Variants in AKT3 observed in about 807,000 individuals in gnomAD.
AKT3 encodes RAC-gamma serine/threonine-protein kinase.
A neutral mutation model predicts 65.3 loss-of-function variants in AKT3; 15 were observed. That is an observed-to-expected ratio of 0.23 (90% CI 0.15 to 0.35). The LOEUF is 0.35. Among genes scored for constraint, AKT3 ranks in the 10% least tolerant of loss-of-function variants. The pLI, the probability that AKT3 is intolerant of heterozygous loss-of-function variation, is 1.00. For missense variants in AKT3, 243 were observed against 576.5 expected, an observed-to-expected ratio of 0.42 and a Z score of 5.92; for synonymous variants, 206 against 183.8, an observed-to-expected ratio of 1.12 and a Z score of -0.98.
intron 9 of AKT3, among the ~76,000 whole-genome samples, chr1:243,567,078 A>T (rs1350610868): frequency 6.6e-6 from 1 of 152,148 alleles, no homozygotes; most frequent in Non-Finnish European, 1.5e-5. Flanking sequence ...TCAGGAGTTC[A>T]AGACCAGCCT....
intron 2 of AKT3, among the ~76,000 whole-genome samples, chr1:243,749,332 T>G (rs1572273524): frequency 6.6e-6 from 1 of 152,278 alleles, no homozygotes; most frequent in East Asian, 1.9e-4. Flanking sequence ...CTAGTTGACT[T>G]GATCATGATT....
intron 12 of AKT3, among the ~76,000 whole-genome samples, chr1:243,526,046 C>CTG (rs376282081): frequency 7.3e-5 from 11 of 151,286 alleles, no homozygotes; most frequent in African/African-American, 2.7e-4. Flanking sequence ...CAGAACTACT[C>CTG]TGTGTGTGTG....
intron 2 of AKT3, among the ~76,000 whole-genome samples, chr1:243,738,440 T>C (rs1687963646): frequency 6.6e-6 from 1 of 152,198 alleles, no homozygotes; most frequent in African/African-American, 2.4e-5. Flanking sequence ...ATTAAACGTT[T>C]AACATTCATC....
chr1:243,642,459 G>A (rs1007356574), intron 5 of AKT3, among the ~76,000 whole-genome samples: 24 of 152,102 alleles, frequency 1.6e-4, no homozygotes, highest in South Asian at 6.2e-4. Context: ...ACAGGCGCCC[G>A]CCACCACGCC....
At position 243,829,373 on chromosome 1, in the gene AKT3, T is replaced by C. The variant is rs570443123; in HGVS notation, c.46+13752A>G. ...GTTTGTAAGTATGACCTCAATGGTCTCCTTGAATGGGAAAAGTCTGACATA... is the reference window on the plus strand; with the variant it reads ...GTTTGTAAGTATGACCTCAATGGTCCCCTTGAATGGGAAAAGTCTGACATA... On this transcript the variant is annotated intron_variant, in intron 2 of 13. Coordinates refer to ENST00000673466, the MANE Select transcript of AKT3 (RefSeq NM_005465.7). 2.6e-5 allele frequency among the ~76,000 whole-genome samples: 4 copies of C among 152,294 alleles called. No individual in the cohort carries two copies. In the East Asian group the frequency reaches 7.7e-4, roughly 29 times the overall value.
At chr1:243,693,523 G>A (rs917002954) in intron 3 of AKT3, among the ~76,000 whole-genome samples, 2 of 151,496 alleles carry the variant, frequency 1.3e-5, no homozygotes. Flanking sequence ...CCTGCTCAAA[G>A]TCCACCCCAC....
At chr1:243,651,716 C>A (rs1244640342) in intron 4 of AKT3, among the ~76,000 whole-genome samples, 7 of 152,078 alleles carry the variant, frequency 4.6e-5, no homozygotes, top group African/African-American at 1.7e-4. Flanking sequence ...GTGTATGTTG[C>A]ACCAGCCTTG....
chr1:243,633,834 G>A (rs1679781967), intron 6 of AKT3, among the ~76,000 whole-genome samples: 1 of 152,092 alleles, frequency 6.6e-6, no homozygotes, highest in Non-Finnish European at 1.5e-5. Context: ...AAAAGAAAGA[G>A]ATTGGGAAAG....
In AKT3 at chr1:243,571,002, G is replaced by T. The variant is rs1674519507; in HGVS notation, c.819+1924C>A. Among the ~76,000 whole-genome samples the T allele has an allele frequency of 2.6e-5, 4 of 152,142 alleles. No homozygotes were observed. In the East Asian group the frequency reaches 7.7e-4, roughly 29 times the overall value. The stretch of plus-strand genomic sequence containing the variant: ...CATCATCAGAAAGAATGGGGCAGTG[G>T]AACTCATTTAATGAGCTTCAATATA... On this transcript the variant is annotated intron_variant, in intron 9 of 13. Coordinates refer to ENST00000673466, the MANE Select transcript of AKT3 (RefSeq NM_005465.7).
rs1024174854 is a variant in AKT3, at chr1:243,613,197, A to T, written c.696+474T>A. 4.7e-3 allele frequency among the ~76,000 whole-genome samples: 700 copies of T among 150,130 alleles called. 4 individuals are homozygous for T. Among genetic ancestry groups the T allele is most frequent in the African/African-American group, 0.016 (654 of 40,964 alleles). On this transcript the variant is annotated intron_variant, in intron 8 of 13. Coordinates refer to ENST00000673466, the MANE Select transcript of AKT3 (RefSeq NM_005465.7). The stretch of plus-strand genomic sequence containing the variant: ...CACCCTCATATATACATACACACAC[A>T]CACATATATATATATATAGTCATAG...
chr1:243,765,081 C>T (rs994652138), intron 2 of AKT3, among the ~76,000 whole-genome samples: 6 of 151,958 alleles, frequency 3.9e-5, no homozygotes, highest in South Asian at 2.1e-4. Context: ...CATCATTTCA[C>T]GGCTGTGTTT....
chr1:243,654,035 T>A (rs899950061), intron 4 of AKT3, among the ~76,000 whole-genome samples: 5 of 152,162 alleles, frequency 3.3e-5, no homozygotes, highest in Non-Finnish European at 7.4e-5. Flanking sequence ...ATTATTTTTA[T>A]ATATATCCTT....
At chr1:243,692,831 T>G (rs896015682) in intron 3 of AKT3, among the ~76,000 whole-genome samples, 4 of 152,148 alleles carry the variant, frequency 2.6e-5, no homozygotes, top group Non-Finnish European at 4.4e-5. Flanking sequence ...TGTTTTTCTC[T>G]TGTTAATCTT....
rs549248513 is a variant in AKT3 at position 243,500,859 on chromosome 1, A to G, written c.*4390T>C. 2 of 228,904 alleles carry G rather than the reference A, an allele frequency of 8.7e-6. No homozygotes were observed. Among genetic ancestry groups the G allele is most frequent in the Admixed American group, 5.7e-5 (1 of 17,650 alleles). The allele number at this position is 228,904 out of a possible 1,614,324, so 14.2% of individuals were successfully genotyped here. A position where few individuals can be genotyped will look rare whatever the true frequency, so the allele number is the denominator to read the frequency against. ...GCCTGAAACAGTAGAACTTCTATTC[A>G]GATTCAGAAGTTTTTTATTTCATCA... On this transcript the variant is annotated 3_prime_UTR_variant, in exon 14 of 14. Transcript: ENST00000673466.
intron 4 of AKT3, among the ~76,000 whole-genome samples, chr1:243,658,582 T>C (rs1301038952): frequency 6.6e-6 from 1 of 152,160 alleles, no homozygotes; most frequent in Admixed American, 6.5e-5. Context: ...AACTTAAAAG[T>C]AGAACTACCA....
chr1:243,661,227 C>T (rs1432268226), intron 4 of AKT3, among the ~76,000 whole-genome samples: 3 of 151,976 alleles, frequency 2.0e-5, no homozygotes, highest in East Asian at 3.9e-4. Flanking sequence ...CATATGGAAC[C>T]AAAAAAGAGC....
At chr1:243,744,665 G>A (rs1168504968) in intron 2 of AKT3, among the ~76,000 whole-genome samples, 4 of 150,774 alleles carry the variant, frequency 2.7e-5, no homozygotes, top group Non-Finnish European at 5.9e-5. Context: ...CGTGAACCCG[G>A]GAGGCGGAGC....
At chr1:243,519,781 T>TA (rs1670597227) in intron 12 of AKT3, among the ~76,000 whole-genome samples, 1 of 152,020 alleles carries the variant, frequency 6.6e-6, no homozygotes, top group Non-Finnish European at 1.5e-5. Flanking sequence ...CCCCTAAACT[T>TA]AAAAAAGCTT....
chr1:243,674,230 CTAAT>C lies in AKT3; in HGVS notation c.173-9351_173-9348del, dbSNP rs369521467. 3.5e-3 allele frequency among the ~76,000 whole-genome samples: 536 copies of C among 152,220 alleles called. 2 individuals are homozygous for C. The highest frequency in any genetic ancestry group is 6.7e-3 in the Non-Finnish European group (457 of 68,004). On this transcript the variant is annotated intron_variant, in intron 3 of 13. Transcript: ENST00000673466. ...AATGGTAAAATCATTTGGTAAATAA[CTAAT>C]TAAGACTAAATATTGCATAGTGCCA...
Sources: gnomAD v4.1 joint callset for allele counts (sites outside exome capture counted in the v4.1 genomes callset) on GRCh38, gnomAD v4.1.1 for gene constraint, MANE v1.5 for transcripts, NCBI Gene and HGNC (gene_info 2026-07-23, HGNC 2026-07-21) for gene names.